Variants in SLCO2B1 observed in about 807,000 individuals in gnomAD.
The protein encoded by SLCO2B1 is solute carrier organic anion transporter family member 2B1, also known as OATP-RP2.
In SLCO2B1, 41 loss-of-function variants were observed where a neutral mutation model predicts 67.3. The observed-to-expected ratio is 0.61, with a 90% CI of 0.47 to 0.79. SLCO2B1 has a LOEUF of 0.79. Among genes scored for constraint, SLCO2B1 ranks in the 30% least tolerant of loss-of-function variants. SLCO2B1 has a pLI of 0.00. For missense variants in SLCO2B1, 837 were observed against 920.1 expected, an observed-to-expected ratio of 0.91 and a Z score of 1.17; for synonymous variants, 379 against 381.4, an observed-to-expected ratio of 0.99 and a Z score of 0.07.
chr11:75,197,214 G>C (rs1945113661), intron 10 of SLCO2B1, among the ~76,000 whole-genome samples: 1 of 152,218 alleles, frequency 6.6e-6, no homozygotes, highest in Non-Finnish European at 1.5e-5. Flanking sequence ...GATGCAAAAG[G>C]AAAGAACTCA....
At chr11:75,195,475 G>T (rs556918860) in intron 9 of SLCO2B1, among the ~76,000 whole-genome samples, 37 of 152,032 alleles carry the variant, frequency 2.4e-4, no homozygotes, top group African/African-American at 8.9e-4. Context: ...TTCCCTCTCT[G>T]ATAGAGTGCC....
intron 10 of SLCO2B1, among the ~76,000 whole-genome samples, chr11:75,198,973 G>A (rs946646215): frequency 1.1e-4 from 16 of 152,204 alleles, no homozygotes; most frequent in African/African-American, 3.9e-4. Context: ...AAACCCAAGT[G>A]AAGGGTGAGG....
rs925083867 is a variant in SLCO2B1 at position 75,206,433 on chromosome 11, G to C, written c.*1853G>C. ...GTCTAATTTTTGTTTGAGTGTCTTC[G>C]TCTACTAATGGTTTCAAAAATGGAA... On this transcript the variant is annotated 3_prime_UTR_variant, in exon 14 of 14. Coordinates refer to ENST00000289575, the MANE Select transcript of SLCO2B1 (RefSeq NM_007256.5). The C allele has an allele frequency of 1.3e-5, 2 of 151,916 alleles. No homozygotes were observed. The highest frequency in any genetic ancestry group is 4.8e-5 in the African/African-American group (2 of 41,326). 9.4% of individuals were successfully genotyped at this position (151,916 alleles called of 1,614,324 possible).
intron 1 of SLCO2B1, among the ~76,000 whole-genome samples, chr11:75,154,398 G>T (rs1949723510): frequency 6.6e-6 from 1 of 152,070 alleles, no homozygotes; most frequent in Non-Finnish European, 1.5e-5. Flanking sequence ...TATTCTGGAG[G>T]CTGAGGCAGG....
At position 75,172,687 on chromosome 11, in the gene SLCO2B1, T is replaced by A. The variant is rs113022032; in HGVS notation, c.972+118T>A. 4.4e-6 allele frequency: 4 copies of A among 911,010 alleles called. No individual in the cohort carries two copies. The Admixed American group carries it at 9.7e-5, about 22-fold the overall frequency. The allele number at this position is 911,010 out of a possible 1,614,324, so 56.4% of individuals were successfully genotyped here. On this transcript the variant is annotated intron_variant, in intron 7 of 13. Coordinates refer to ENST00000289575, the MANE Select transcript of SLCO2B1 (RefSeq NM_007256.5). ...GCTCACATCTGTAGTTCCAGCACTT[T>A]GGGAGGCCAAGGCGGTTGGATCACG...
chr11:75,196,399 CT>C (rs2140341119), intron 9 of SLCO2B1, 114 bp from the exon 10 acceptor site: 1 of 1,046,986 alleles, frequency 9.6e-7, no homozygotes, highest in African/African-American at 1.6e-5. Flanking sequence ...TGAAAATCCT[CT>C]GTGTGGAGCT....
Position 75,206,071 on chromosome 11 carries a change from C to A in SLCO2B1, c.*1491C>A, listed in dbSNP as rs1297701936. On this transcript the variant is annotated 3_prime_UTR_variant, in exon 14 of 14. Coordinates refer to ENST00000289575, the MANE Select transcript of SLCO2B1 (RefSeq NM_007256.5). The stretch of plus-strand genomic sequence containing the variant: ...CCCTTTTTATTTTGCTGGTTGGTAT[C>A]TGTAAATGTTTAATAAATATCTGAG... 1 of 152,182 alleles carries A rather than the reference C, an allele frequency of 6.6e-6. No individual in the cohort carries two copies. Among genetic ancestry groups the A allele is most frequent in the African/African-American group, 2.4e-5 (1 of 41,442 alleles). The allele number at this position is 152,182 out of a possible 1,614,324, so 9.4% of individuals were successfully genotyped here. A position where few individuals can be genotyped will look rare whatever the true frequency, so the allele number is the denominator to read the frequency against.
intron 11 of SLCO2B1, 33 bp from the exon 12 acceptor site, chr11:75,202,868 C>T: frequency 6.2e-7 from 1 of 1,606,446 alleles, no homozygotes. Context: ...GGAACCCCTC[C>T]AACCTCATGT....
chr11:75,203,253 G>A (rs200443073), intron 12 of SLCO2B1, 54 bp from the exon 13 acceptor site: 8 of 1,593,896 alleles, frequency 5.0e-6, no homozygotes, highest in Non-Finnish European at 6.8e-6. Flanking sequence ...TGCCAGGGAG[G>A]GGGCAGGGTA....
At chr11:75,169,120 C>G in intron 4 of SLCO2B1, 53 bp from the exon 5 acceptor site, 1 of 1,416,534 alleles carries the variant, frequency 7.1e-7, no homozygotes, top group South Asian at 1.3e-5. Flanking sequence ...CCGGGGTAAG[C>G]GCTATTTAAG....
At chr11:75,154,612 C>T (rs1362658263) in intron 1 of SLCO2B1, among the ~76,000 whole-genome samples, 2 of 152,236 alleles carry the variant, frequency 1.3e-5, no homozygotes, top group East Asian at 1.9e-4. Context: ...AACTTGAGCC[C>T]TCCACTGGTA....
At chr11:75,177,923 G>A (rs192183330) in intron 7 of SLCO2B1, among the ~76,000 whole-genome samples, 6 of 151,870 alleles carry the variant, frequency 4.0e-5, no homozygotes, top group Admixed American at 1.3e-4. Flanking sequence ...GGTGAAACCC[G>A]TCTCTACTAA....
intron 7 of SLCO2B1, among the ~76,000 whole-genome samples, chr11:75,183,395 C>T (rs895149035): frequency 2.0e-5 from 3 of 152,172 alleles, no homozygotes; most frequent in Admixed American, 6.6e-5. Context: ...GAATAATCCA[C>T]GCAGGCTGCC....
intron 8 of SLCO2B1, among the ~76,000 whole-genome samples, chr11:75,192,094 C>A (rs943583200): frequency 1.3e-5 from 2 of 152,124 alleles, no homozygotes; most frequent in African/African-American, 4.8e-5. Flanking sequence ...CGCTTTACCT[C>A]CCCAGATCCC....
At chr11:75,174,380 G>A (rs1949999760) in intron 7 of SLCO2B1, among the ~76,000 whole-genome samples, 1 of 152,046 alleles carries the variant, frequency 6.6e-6, no homozygotes, top group African/African-American at 2.4e-5. Context: ...TGGAGAGGGT[G>A]GGGGCGGGGA....
intron 1 of SLCO2B1, among the ~76,000 whole-genome samples, chr11:75,152,056 G>A (rs1949697930): frequency 6.6e-6 from 1 of 152,256 alleles, no homozygotes; most frequent in East Asian, 1.9e-4. Context: ...TCTCTGTGCA[G>A]TGAGGTCTCT....
chr11:75,200,445 A>C, intron 11 of SLCO2B1, 58 bp downstream of exon 11: 1 of 1,487,560 alleles, frequency 6.7e-7, no homozygotes, highest in South Asian at 1.3e-5. Flanking sequence ...AACCACAGGC[A>C]GAACAAGGAA....
At chr11:75,159,843 C>T in intron 1 of SLCO2B1, 1 of 985,502 alleles carries the variant, frequency 1.0e-6, no homozygotes. Flanking sequence ...GCAGAAAAGG[C>T]TGGGATTGAA....
chr11:75,178,594 C>A (rs1041786682), intron 7 of SLCO2B1, among the ~76,000 whole-genome samples: 1 of 152,070 alleles, frequency 6.6e-6, no homozygotes, highest in Non-Finnish European at 1.5e-5. Context: ...ATAAATCAAG[C>A]TGTTTAGCAC....
Sources: allele counts gnomAD v4.1 joint callset (sites outside exome capture counted in the v4.1 genomes callset), GRCh38; gene constraint gnomAD v4.1.1; transcripts MANE v1.5; gene names NCBI Gene and HGNC (gene_info 2026-07-23, HGNC 2026-07-21).